BANP: variants seen among roughly 807,000 people sequenced by gnomAD.
BANP encodes the protein protein BANP.
BANP carries 11 observed loss-of-function variants against 68.1 expected under a neutral mutation model. That is an observed-to-expected ratio of 0.16 (90% CI 0.10 to 0.27). The LOEUF (loss-of-function observed/expected upper bound fraction) is 0.27. Among genes scored for constraint, BANP ranks in the 10% least tolerant of loss-of-function variants. The probability of loss-of-function intolerance (pLI) is 1.00; values close to 1 mark genes in which losing one functional copy is unlikely to be tolerated. For synonymous variants in BANP, 329 were observed against 303.2 expected (o/e 1.09, Z -0.88); for missense variants, 504 against 722.7 (o/e 0.70, Z 3.47).
chr16:88,070,326 G>A (rs1271835271), intron 12 of BANP, among the ~76,000 whole-genome samples: 2 of 152,140 alleles, frequency 1.3e-5, no homozygotes, highest in Admixed American at 6.5e-5. Context: ...GGACCATGTC[G>A]GGCTGGCATC....
intron 13 of BANP, among the ~76,000 whole-genome samples, 182 bp from the exon 14 acceptor site, chr16:88,076,408 G>A (rs78209926): frequency 0.011 from 1,612 of 152,306 alleles, 28 homozygotes; most frequent in African/African-American, 0.037. Flanking sequence ...TGGGCGCGTC[G>A]TTCCGCTGGG....
intron 2 of BANP, chr16:87,978,348 G>C (rs746554355): frequency 4.0e-6 from 1 of 252,902 alleles, no homozygotes; most frequent in African/African-American, 2.2e-5. Flanking sequence ...TGTGACCCCA[G>C]AGAAGTCCCA....
chr16:88,049,552 C>T (rs367653552), intron 11 of BANP, among the ~76,000 whole-genome samples: 1 of 152,164 alleles, frequency 6.6e-6, no homozygotes, highest in Admixed American at 6.5e-5. Context: ...GACCCACAGT[C>T]AGCAAGCAGG....
rs1054128498 is a variant in BANP, at chr16:88,076,856, C to T, written c.*195C>T. The T allele has an allele frequency of 1.4e-5, 8 of 578,512 alleles. No individual in the cohort carries two copies. The highest frequency in any genetic ancestry group is 1.9e-5 in the African/African-American group (1 of 53,012). The allele number at this position is 578,512 out of a possible 1,614,324, so 35.8% of individuals were successfully genotyped here. A position where few individuals can be genotyped will look rare whatever the true frequency, so the allele number is the denominator to read the frequency against. On this transcript the variant is annotated 3_prime_UTR_variant, in exon 14 of 14. Coordinates refer to ENST00000682872, the MANE Select transcript of BANP (RefSeq NM_001386991.1). The stretch of plus-strand genomic sequence containing the variant: ...CCGCCGCCGCCCCCAGCCGGAGACC[C>T]CTTTCGTTTGAGTCCTGCTGTTGGT...
chr16:88,018,803 C>T lies in BANP; in HGVS notation c.895+136C>T. On this transcript the variant is annotated intron_variant, in intron 7 of 13. Transcript: ENST00000682872. This position sits in a 1 kb window ranked among gnomAD's most constrained non-coding sequence, Gnocchi z 7.7. ...CTCCAGGCGGTTTGAAATCTCAGCC[C>T]GAGGATCAGTGCTCGAGGGGATGGA... 7 of 1,192,388 alleles carry T rather than the reference C, an allele frequency of 5.9e-6. No homozygotes were observed. Among genetic ancestry groups the T allele is most frequent in the Non-Finnish European group, 8.1e-6 (7 of 865,546 alleles). 73.9% of individuals were successfully genotyped at this position (1,192,388 alleles called of 1,614,324 possible). A position where few individuals can be genotyped will look rare whatever the true frequency, so the allele number is the denominator to read the frequency against.
intron 1 of BANP, among the ~76,000 whole-genome samples, chr16:87,971,774 T>G (rs920407627): frequency 9.2e-5 from 14 of 152,148 alleles, no homozygotes; most frequent in Admixed American, 2.6e-4. Context: ...TTACAGTTTT[T>G]GGTATTCCAT....
chr16:87,995,185 G>T (rs555567654), intron 4 of BANP, among the ~76,000 whole-genome samples: 6 of 152,370 alleles, frequency 3.9e-5, no homozygotes, highest in Admixed American at 3.9e-4. Context: ...ATGGGCTTGG[G>T]AAATGCAGTC....
At chr16:88,032,950 C>A (rs2078521516) in intron 8 of BANP, among the ~76,000 whole-genome samples, 159 bp from the exon 9 acceptor site, 1 of 152,250 alleles carries the variant, frequency 6.6e-6, no homozygotes, top group Admixed American at 6.5e-5. Flanking sequence ...GTAGTGATCT[C>A]TGCAGAAGAG....
rs537203906 is a variant in BANP, at chr16:87,973,770, A to G, written c.-68-1278A>G. 8.0e-5 allele frequency among the ~76,000 whole-genome samples: 12 copies of G among 149,122 alleles called. No individual in the cohort carries two copies. In the East Asian group the frequency reaches 1.2e-3, roughly 14 times the overall value. On this transcript the variant is annotated intron_variant, in intron 1 of 13. Transcript: ENST00000682872. Reference sequence around the variant, plus strand: ...CTCCATCACAAAAAAAAAAAAAAAAAAAAAGAAAAAAGAAAAAAATTCTAG... The same window carrying G: ...CTCCATCACAAAAAAAAAAAAAAAAGAAAAGAAAAAAGAAAAAAATTCTAG...
At chr16:88,047,923 A>C (rs2082373014) in intron 11 of BANP, among the ~76,000 whole-genome samples, 1 of 152,208 alleles carries the variant, frequency 6.6e-6, no homozygotes, top group Non-Finnish European at 1.5e-5. Flanking sequence ...TCTGAATTTA[A>C]CCCTGATTAG....
At chr16:88,041,984 A>C (rs1481214012) in intron 11 of BANP, among the ~76,000 whole-genome samples, 2 of 152,134 alleles carry the variant, frequency 1.3e-5, no homozygotes, top group Non-Finnish European at 2.9e-5. Flanking sequence ...TGAGAGACGC[A>C]GTAGGAGCGT....
chr16:88,024,014 C>G (rs1436537840), intron 7 of BANP, among the ~76,000 whole-genome samples: 4 of 152,058 alleles, frequency 2.6e-5, no homozygotes, highest in Non-Finnish European at 5.9e-5. Context: ...TGAGCCTCAG[C>G]AGCCGGATGC....
At chr16:88,040,555 C>T (rs1290874971) in intron 11 of BANP, among the ~76,000 whole-genome samples, 2 of 151,964 alleles carry the variant, frequency 1.3e-5, no homozygotes, top group South Asian at 2.1e-4. Flanking sequence ...ACAGAAGCCC[C>T]GAGCAGTGCG....
chr16:88,003,639 G>A lies in BANP; in HGVS notation c.363-656G>A, dbSNP rs554024609. On this transcript the variant is annotated intron_variant, in intron 4 of 13. Coordinates refer to ENST00000682872, the MANE Select transcript of BANP (RefSeq NM_001386991.1). The surrounding 1 kb of genome is among the most constrained non-coding windows in gnomAD (Gnocchi z 6.1). ...ACACTCGTGCTTCCTCCAGGGTGGC[G>A]CCAGGCTTGCTGGTTTCTGGGCCAT... 16 of 415,786 alleles carry A rather than the reference G, an allele frequency of 3.8e-5. No individual in the cohort carries two copies. Among genetic ancestry groups the A allele is most frequent in the Non-Finnish European group, 6.8e-5 (14 of 207,292 alleles). The allele number at this position is 415,786 out of a possible 1,614,324, so 25.8% of individuals were successfully genotyped here. A position where few individuals can be genotyped will look rare whatever the true frequency, so the allele number is the denominator to read the frequency against.
intron 1 of BANP, among the ~76,000 whole-genome samples, chr16:87,970,438 A>G (rs2060901657): frequency 6.6e-6 from 1 of 152,178 alleles, no homozygotes; most frequent in Non-Finnish European, 1.5e-5. Flanking sequence ...GGATTGCAAA[A>G]CGATGACTGT....
intron 11 of BANP, among the ~76,000 whole-genome samples, chr16:88,041,319 C>T (rs2080741593): frequency 6.6e-6 from 1 of 152,222 alleles, no homozygotes; most frequent in Admixed American, 6.5e-5. Flanking sequence ...GCAGCAACGT[C>T]AGTTCCAGGA....
intron 7 of BANP, among the ~76,000 whole-genome samples, chr16:88,020,983 T>C (rs1224743155): frequency 6.6e-6 from 1 of 152,118 alleles, no homozygotes; most frequent in Admixed American, 6.5e-5. Context: ...AGGCACTGTA[T>C]GGGGCAGAAT....
chr16:87,971,403 G>T (rs536536702), intron 1 of BANP, among the ~76,000 whole-genome samples: 5 of 152,278 alleles, frequency 3.3e-5, no homozygotes, highest in Admixed American at 1.3e-4. Context: ...TGTTCTCTGA[G>T]GACTGGATGC....
chr16:87,992,994 C>G (rs772666164), intron 4 of BANP, among the ~76,000 whole-genome samples: 12 of 152,342 alleles, frequency 7.9e-5, no homozygotes, highest in Non-Finnish European at 1.2e-4. Context: ...ATGACCGTTT[C>G]TCACACTTCC....
Sources: allele counts gnomAD v4.1 joint callset (sites outside exome capture counted in the v4.1 genomes callset), GRCh38; gene constraint gnomAD v4.1.1; non-coding constraint Gnocchi (gnomAD v3.1); transcripts MANE v1.5; gene names NCBI Gene and HGNC (gene_info 2026-07-23, HGNC 2026-07-21).